ANO6: variants seen among roughly 807,000 people sequenced by gnomAD.
ANO6 encodes anoctamin 6, also known as anoctamin-6.
In ANO6, 106 loss-of-function variants were observed where a neutral mutation model predicts 117.5. The observed-to-expected ratio is 0.90, with a 90% CI of 0.77 to 1.06. The LOEUF is 1.06. Ranked by LOEUF, ANO6 falls within the 50% of genes least tolerant of loss-of-function variation. ANO6 has a pLI of 0.00. For synonymous variants in ANO6, 367 were observed against 385.1 expected, an observed-to-expected ratio of 0.95 and a Z score of 0.55; for missense variants, 955 against 1,121.1, an observed-to-expected ratio of 0.85 and a Z score of 2.12.
downstream of ANO6, among the ~76,000 whole-genome samples, chr12:45,436,147 C>T (rs767960897): frequency 2.6e-5 from 4 of 152,134 alleles, no homozygotes; most frequent in Non-Finnish European, 4.4e-5. Context: ...CCAGTTCCTG[C>T]TTGTACCCTA....
At chr12:45,424,581 CCCT>C (rs1216517103) in intron 19 of ANO6, among the ~76,000 whole-genome samples, 1 of 151,996 alleles carries the variant, frequency 6.6e-6, no homozygotes, top group Non-Finnish European at 1.5e-5. Context: ...AAGTGATCTG[CCCT>C]CCTCGGCCTC....
intron 10 of ANO6, among the ~76,000 whole-genome samples, chr12:45,381,543 A>G (rs894503774): frequency 3.3e-5 from 5 of 152,192 alleles, no homozygotes; most frequent in African/African-American, 1.2e-4. Context: ...GAGTACTCCA[A>G]AACACTGGAT....
chr12:45,277,532 C>G (rs1938593206), intron 1 of ANO6, among the ~76,000 whole-genome samples: 1 of 152,140 alleles, frequency 6.6e-6, no homozygotes, highest in Admixed American at 6.5e-5. Context: ...TGTATTGGAG[C>G]CCTACATTTA....
At chr12:45,373,719 G>A (rs59166276) in intron 9 of ANO6, among the ~76,000 whole-genome samples, 7,092 of 152,220 alleles carry the variant, frequency 0.047, 214 homozygotes, top group East Asian at 0.13. Context: ...GCAGTGTATA[G>A]AGGGAAATTT....
intron 8 of ANO6, among the ~76,000 whole-genome samples, chr12:45,364,309 A>G (rs1941629667): frequency 6.6e-6 from 1 of 152,182 alleles, no homozygotes; most frequent in African/African-American, 2.4e-5. Flanking sequence ...CCTACATGGA[A>G]TTTGTTGAGT....
At chr12:45,272,541 G>A (rs562299611) in intron 1 of ANO6, among the ~76,000 whole-genome samples, 1 of 152,286 alleles carries the variant, frequency 6.6e-6, no homozygotes, top group South Asian at 2.1e-4. Flanking sequence ...GTCATAAGAA[G>A]AGAGAATTCT....
At chr12:45,315,173 A>G (rs934386077) in intron 2 of ANO6, among the ~76,000 whole-genome samples, 1 of 152,090 alleles carries the variant, frequency 6.6e-6, no homozygotes, top group East Asian at 1.9e-4. Context: ...CTGACCACAC[A>G]TGGGTATGGA....
In ANO6 at chr12:45,254,048, TC is replaced by T. The variant is rs1347811306; in HGVS notation, c.70+37660del. ...TGGGCATGGTGGTGTGCGTCTGTAG[TC>T]CCAACTACTCAGGAGGCTGAGGCAG... is the stretch of plus-strand genomic sequence containing the variant. On this transcript the variant is annotated intron_variant, in intron 1 of 19. Transcript: ENST00000320560. Among the ~76,000 whole-genome samples the T allele has an allele frequency of 5.3e-5, 8 of 152,068 alleles. No individual in the cohort carries two copies. In the East Asian group the frequency reaches 1.2e-3, roughly 22 times the overall value.
chr12:45,422,902 T>G, intron 18 of ANO6, 55 bp from the exon 19 acceptor site: 1 of 1,320,972 alleles, frequency 7.6e-7, no homozygotes, highest in Non-Finnish European at 1.1e-6. Flanking sequence ...GGCCTTTGTT[T>G]ACAGTATTCA....
At chr12:45,321,012 C>T (rs1441667598) in intron 2 of ANO6, among the ~76,000 whole-genome samples, 4 of 151,432 alleles carry the variant, frequency 2.6e-5, no homozygotes, top group South Asian at 4.3e-4. Context: ...CTATGTGTGT[C>T]TCTGCACGTG....
intron 10 of ANO6, among the ~76,000 whole-genome samples, chr12:45,384,620 G>T (rs1321848845): frequency 6.6e-6 from 1 of 152,162 alleles, no homozygotes; most frequent in Non-Finnish European, 1.5e-5. Flanking sequence ...CCAGTCAGTG[G>T]AATGGTCAGA....
At chr12:45,291,432 A>G (rs75997037) in intron 1 of ANO6, among the ~76,000 whole-genome samples, 2,574 of 151,852 alleles carry the variant, frequency 0.017, 53 homozygotes, top group East Asian at 0.083. Flanking sequence ...CATCAAAAAC[A>G]TGAACAAAAA....
In ANO6 at chr12:45,378,088, C is replaced by A; in HGVS notation, c.1140C>A (p.Val380=). Residue 380 remains valine, a synonymous_variant, in exon 10 of 20, where the codon GTC becomes GTA. Coordinates refer to ENST00000320560, the MANE Select transcript of ANO6 (RefSeq NM_001025356.3). Reference sequence around the variant, plus strand: ...TCTTCGACAGTTTTGGAACCCTGGTCTTTGCAGTATTTATGGGAGTATGGG... The same window carrying A: ...TCTTCGACAGTTTTGGAACCCTGGTATTTGCAGTATTTATGGGAGTATGGG... The part of the protein sequence containing the change: ...LCIFDSFGTL[V]FAVFMGVWVT... The A allele has an allele frequency of 6.3e-7, 1 of 1,590,550 alleles. No individual in the cohort carries two copies. Among genetic ancestry groups the A allele is most frequent in the East Asian group, 2.3e-5 (1 of 43,658 alleles).
rs377577890 is a variant in ANO6 at position 45,267,698 on chromosome 12, G to C, written c.71-34316G>C. 1.6e-3 allele frequency among the ~76,000 whole-genome samples: 238 copies of C among 152,296 alleles called. 8 individuals carry two copies. In the South Asian group the frequency reaches 0.048, roughly 31 times the overall value. On this transcript the variant is annotated intron_variant, in intron 1 of 19. Transcript: ENST00000320560. Reference sequence around the variant, plus strand: ...CCCAGCTACTCGGGAGGCTGAGGCAGGAGAATCGCTTGAACCAGGGAGGTG... The same window carrying C: ...CCCAGCTACTCGGGAGGCTGAGGCACGAGAATCGCTTGAACCAGGGAGGTG...
chr12:45,293,012 A>T lies in ANO6; in HGVS notation c.71-9002A>T, dbSNP rs192278572. 2.0e-4 allele frequency: 313 copies of T among 1,533,962 alleles called. 1 individual carries two copies. The highest frequency in any genetic ancestry group is 3.7e-4 in the Admixed American group (18 of 48,624). On this transcript the variant is annotated intron_variant, in intron 1 of 19. Transcript: ENST00000320560. ...AGTGCCGGGGAGGCTCCTTTTTTAT[A>T]AATATTGTCCAAATATTTGATGAGT...
chr12:45,301,885 G>A (rs1275465299), intron 1 of ANO6, 129 bp from the exon 2 acceptor site: 18 of 775,496 alleles, frequency 2.3e-5, no homozygotes, highest in South Asian at 1.5e-4. Flanking sequence ...AGCTGAAAGG[G>A]TTAAATAATA....
chr12:45,362,831 T>TG (rs1299804435), intron 8 of ANO6, among the ~76,000 whole-genome samples: 1 of 152,234 alleles, frequency 6.6e-6, no homozygotes, highest in Non-Finnish European at 1.5e-5. Flanking sequence ...TCTACTCCTT[T>TG]GTGGTATTAT....
chr12:45,219,725 A>G (rs879814028), intron 1 of ANO6, among the ~76,000 whole-genome samples: 1 of 152,130 alleles, frequency 6.6e-6, no homozygotes, highest in Non-Finnish European at 1.5e-5. Flanking sequence ...CTCACTATGG[A>G]TGTCTTTTCC....
intron 8 of ANO6, among the ~76,000 whole-genome samples, chr12:45,361,460 A>G (rs1941553174): frequency 6.6e-6 from 1 of 152,084 alleles, no homozygotes; most frequent in Admixed American, 6.5e-5. Context: ...TAGGATTTTT[A>G]TATACGATGT....
Sources: gnomAD v4.1 joint callset for allele counts (sites outside exome capture counted in the v4.1 genomes callset) on GRCh38, gnomAD v4.1.1 for gene constraint, MANE v1.5 for transcripts, NCBI Gene and HGNC (gene_info 2026-07-23, HGNC 2026-07-21) for gene names.